CFAP74: variants seen among roughly 807,000 people sequenced by gnomAD.
CFAP74 encodes cilia- and flagella-associated protein 74.
In CFAP74, 124 loss-of-function variants were observed where a neutral mutation model predicts 188.9. The ratio of observed to expected loss-of-function variants is 0.66; its 90% CI spans 0.57 to 0.76. The LOEUF (loss-of-function observed/expected upper bound fraction) is 0.76, where lower values mean the gene tolerates loss of function less well. CFAP74 is among the 30% of genes least tolerant of loss of function. The pLI, the probability that CFAP74 is intolerant of heterozygous loss-of-function variation, is 0.00. For synonymous variants in CFAP74, 956 were observed against 916.7 expected (o/e 1.04, Z -0.77); for missense variants, 2,198 against 2,165.2 (o/e 1.02, Z -0.30).
intron 5 of CFAP74, among the ~76,000 whole-genome samples, chr1:1,986,290 A>G (rs1048270744): frequency 4.6e-5 from 7 of 152,206 alleles, no homozygotes; most frequent in African/African-American, 1.7e-4. Flanking sequence ...CGGAGGCTGC[A>G]GCAGAGAATT....
intron 14 of CFAP74, among the ~76,000 whole-genome samples, chr1:1,962,317 A>T (rs1655145393): frequency 6.6e-6 from 1 of 152,086 alleles, no homozygotes; most frequent in Admixed American, 6.6e-5. Flanking sequence ...CTCTACTAAA[A>T]TACAAAAAAT....
At chr1:1,932,564 T>C (rs1402623921) in intron 25 of CFAP74, among the ~76,000 whole-genome samples, 1 of 151,742 alleles carries the variant, frequency 6.6e-6, no homozygotes, top group Non-Finnish European at 1.5e-5. Flanking sequence ...ATATTATTGA[T>C]TATTATTAGT....
intron 12 of CFAP74, 46 bp downstream of exon 12, chr1:1,966,325 G>C: frequency 7.0e-7 from 1 of 1,438,466 alleles, no homozygotes; most frequent in Non-Finnish European, 9.2e-7. Context: ...CGGCGACAGA[G>C]GGCCGGGGTC....
chr1:1,959,123 A>T lies in CFAP74; in HGVS notation c.1848T>A (p.Cys616Ter). Residue 616 changes from cysteine to a stop codon, truncating the protein, a stop_gained, in exon 16 of 39, where the codon TGT becomes TGA. Transcript: ENST00000682832. LOFTEE classifies it high-confidence loss of function. ...SVPLKCSTKK[C>*]SLSLDKELID... ...GCTCGGACACCTTTGAACTCACCGAACATTTCTTTGTTGAACATTTCAGTG... is the reference window on the plus strand; with the variant it reads ...GCTCGGACACCTTTGAACTCACCGATCATTTCTTTGTTGAACATTTCAGTG... 1 of 1,609,720 alleles carries T rather than the reference A, an allele frequency of 6.2e-7. No individual in the cohort carries two copies. The highest frequency in any genetic ancestry group is 8.5e-7 in the Non-Finnish European group (1 of 1,176,416).
chr1:1,946,891 T>G (rs1653810242), intron 19 of CFAP74, 99 bp downstream of exon 19: 1 of 936,856 alleles, frequency 1.1e-6, no homozygotes, highest in East Asian at 2.6e-5. Context: ...AAGGGCCACC[T>G]AGCAGTGAGG....
At chr1:1,982,536 T>C (rs1307888009) in intron 6 of CFAP74, among the ~76,000 whole-genome samples, 3 of 152,192 alleles carry the variant, frequency 2.0e-5, no homozygotes, top group Non-Finnish European at 1.5e-5. Context: ...AATTTAACAC[T>C]GGGTGGAGAG....
At chr1:1,925,968 C>A in intron 32 of CFAP74, 30 bp from the exon 33 acceptor site, 1 of 1,559,198 alleles carries the variant, frequency 6.4e-7, no homozygotes, top group Non-Finnish European at 8.7e-7. Context: ...CAGCCAGGAA[C>A]CGATGTCTGC....
At chr1:1,979,155 GCATCA>G (rs1656641644) in intron 6 of CFAP74, among the ~76,000 whole-genome samples, 1 of 98,738 alleles carries the variant, frequency 1.0e-5, no homozygotes, top group East Asian at 3.4e-4. Context: ...GCGTGGGAAG[GCATCA>G]TGTGACAAGG....
At chr1:1,958,694 T>C (rs1318365806) in intron 16 of CFAP74, among the ~76,000 whole-genome samples, 2 of 152,158 alleles carry the variant, frequency 1.3e-5, no homozygotes, top group East Asian at 1.9e-4. Context: ...AGGCCGACAA[T>C]GTGGAGTCTG....
In CFAP74 at chr1:1,926,974, C is replaced by G. The variant is rs2102031331; in HGVS notation, c.3582G>C (p.Lys1194Asn). The G allele has an allele frequency of 6.5e-7, 1 of 1,550,298 alleles. No homozygotes were observed. The highest frequency in any genetic ancestry group is 2.4e-5 in the East Asian group (1 of 40,924). The change falls in exon 29 of 39, where the codon AAG becomes AAC. Residue 1194 changes from lysine to asparagine, a missense_variant. Transcript: ENST00000682832. ...CACAGGGAACTACAAATGTGTCAAA[C>G]TTCGCCTGGAACGCTCTGAGCAGGG... is the stretch of plus-strand genomic sequence containing the variant. ...RATLLRAFQA[K>N]FDTFVVPCVV...
Position 1,975,892 on chromosome 1 carries a change from G to A in CFAP74, c.501-1694C>T, listed in dbSNP as rs1284080436. ...GGGTCTCTTAGTAAAGAGGCAAGAC[G>A]CTGTCCCAGATGCTGTCGTCGCCCA... On this transcript the variant is annotated intron_variant, in intron 6 of 38. Transcript: ENST00000682832. The surrounding 1 kb of genome is among the most constrained non-coding windows in gnomAD (Gnocchi z 4.5). 1.3e-5 allele frequency among the ~76,000 whole-genome samples: 2 copies of A among 152,180 alleles called. No homozygotes were observed. The highest frequency in any genetic ancestry group is 2.9e-5 in the Non-Finnish European group (2 of 68,036).
At chr1:1,936,840 A>G (rs1000186308) in intron 25 of CFAP74, among the ~76,000 whole-genome samples, 1 of 151,110 alleles carries the variant, frequency 6.6e-6, no homozygotes, top group Non-Finnish European at 1.5e-5. Flanking sequence ...CGGGAGGTGG[A>G]GGCTGCAGTG....
At chr1:1,965,517 A>C (rs900635656) in intron 12 of CFAP74, among the ~76,000 whole-genome samples, 1 of 152,220 alleles carries the variant, frequency 6.6e-6, no homozygotes, top group African/African-American at 2.4e-5. Context: ...ACCAGCAACC[A>C]GGAAGATCAG....
chr1:2,003,544 T>C (rs1401700190), intron 1 of CFAP74, among the ~76,000 whole-genome samples, 157 bp downstream of exon 1: 1 of 152,192 alleles, frequency 6.6e-6, no homozygotes, highest in Non-Finnish European at 1.5e-5. Context: ...CGGGGTTCCC[T>C]GAAACGAACC....
chr1:1,959,224 A>C lies in CFAP74; in HGVS notation c.1762-15T>G. ...TCCTTGTTTATCTAAAACATAAAAC[A>C]ACCCCCACCACAATACACTTCTGCA... On this transcript the variant is annotated splice_polypyrimidine_tract_variant and intron_variant, in intron 15 of 38. Transcript: ENST00000682832. The C allele has an allele frequency of 6.5e-7, 1 of 1,535,580 alleles. No individual in the cohort carries two copies. Among genetic ancestry groups the C allele is most frequent in the Non-Finnish European group, 9.0e-7 (1 of 1,109,186 alleles).
At chr1:1,947,738 C>A (rs1570885755) in intron 18 of CFAP74, among the ~76,000 whole-genome samples, 1 of 152,246 alleles carries the variant, frequency 6.6e-6, no homozygotes, top group African/African-American at 2.4e-5. Flanking sequence ...CTGTGGAGAG[C>A]CCCCACGGGC....
intron 6 of CFAP74, among the ~76,000 whole-genome samples, chr1:1,982,178 A>G (rs1223739674): frequency 3.4e-5 from 5 of 148,810 alleles, no homozygotes; most frequent in African/African-American, 1.0e-4. Context: ...CCAGCCACGG[A>G]CAGACACGGG....
intron 16 of CFAP74, 54 bp downstream of exon 16, chr1:1,959,066 G>C: frequency 7.7e-7 from 1 of 1,292,400 alleles, no homozygotes; most frequent in African/African-American, 1.5e-5. Flanking sequence ...CCCCCACTGG[G>C]GTTCCCAGCC....
intron 25 of CFAP74, among the ~76,000 whole-genome samples, chr1:1,932,630 G>A (rs1391429632): frequency 1.3e-5 from 2 of 148,864 alleles, no homozygotes; most frequent in Admixed American, 6.7e-5. Flanking sequence ...ATCTCGCTCT[G>A]TTGCCCAGGC....
Sources: gnomAD v4.1 joint callset for allele counts (sites outside exome capture counted in the v4.1 genomes callset) on GRCh38, gnomAD v4.1.1 for gene constraint, Gnocchi (gnomAD v3.1) non-coding constraint, MANE v1.5 for transcripts, NCBI Gene and HGNC (gene_info 2026-07-23, HGNC 2026-07-21) for gene names.